Variants in ZBBX observed in about 807,000 individuals in gnomAD.
ZBBX encodes the protein zinc finger B-box domain-containing protein 1.
ZBBX carries 101 observed loss-of-function variants against 108.5 expected under a neutral mutation model. The ratio of observed to expected loss-of-function variants is 0.93; its 90% CI spans 0.79 to 1.10. The LOEUF is 1.10. Ranked by LOEUF, ZBBX falls within the 50% of genes least tolerant of loss-of-function variation. The pLI is 0.00. For missense variants in ZBBX, 1,009 were observed against 941.4 expected (o/e 1.07, Z -0.94); for synonymous variants, 356 against 323.4 (o/e 1.10, Z -1.08).
intron 9 of ZBBX, among the ~76,000 whole-genome samples, chr3:167,345,745 C>T (rs1218522155): frequency 6.6e-6 from 1 of 151,622 alleles, no homozygotes; most frequent in Non-Finnish European, 1.5e-5. Flanking sequence ...AAGAAAGAGC[C>T]CATATAACCA....
rs1748585520 is a variant in ZBBX at position 167,406,330 on chromosome 3, T to C, written c.-446+1396A>G. On this transcript the variant is annotated intron_variant, in intron 1 of 21. Transcript: ENST00000455345. ...GTAAGGTTTGGCACAGCGTTCTTAG[T>C]AATTTATATAATTGGAGACACTCCC... Among the ~76,000 whole-genome samples the C allele has an allele frequency of 2.0e-5, 3 of 152,240 alleles. No homozygotes were observed. In the South Asian group the frequency reaches 6.2e-4, roughly 32 times the overall value.
the ZBBX span, among the ~76,000 whole-genome samples, chr3:167,195,748 G>A: frequency 5.3e-5 from 8 of 152,210 alleles, no homozygotes; most frequent in East Asian, 1.4e-3. Flanking sequence ...CGTTTATAAC[G>A]GCCTAAAGAA....
At chr3:167,339,869 T>C (rs984135826) in intron 9 of ZBBX, among the ~76,000 whole-genome samples, 1 of 152,050 alleles carries the variant, frequency 6.6e-6, no homozygotes, top group Non-Finnish European at 1.5e-5. Flanking sequence ...ATTCCCTGTG[T>C]CCATGTGTTC....
chr3:167,339,223 G>GA lies in ZBBX; in HGVS notation c.529-5239dup, dbSNP rs201402834. On this transcript the variant is annotated intron_variant, in intron 9 of 21. Transcript: ENST00000675490. Reference sequence around the variant, plus strand: ...TCTTAACAACATATGAAAACCATAAGAAAAAAACCTGAAAAATATATAAAA... The same window carrying GA: ...TCTTAACAACATATGAAAACCATAAGAAAAAAAACCTGAAAAATATATAAAA... 6.3e-3 allele frequency among the ~76,000 whole-genome samples: 958 copies of GA among 151,854 alleles called. 11 individuals carry two copies. Among genetic ancestry groups the GA allele is most frequent in the African/African-American group, 0.022 (901 of 41,452 alleles).
intron 10 of ZBBX, among the ~76,000 whole-genome samples, chr3:167,331,943 C>T (rs560545259): frequency 2.5e-4 from 38 of 152,240 alleles, no homozygotes; most frequent in African/African-American, 8.9e-4. Context: ...CAAGGATGTG[C>T]CATTGGCTTT....
intron 9 of ZBBX, among the ~76,000 whole-genome samples, chr3:167,347,628 CT>C (rs1353105091): frequency 6.6e-6 from 1 of 151,966 alleles, no homozygotes; most frequent in African/African-American, 2.4e-5. Context: ...CTTCAAAGTA[CT>C]TTATTCCTTA....
intron 1 of ZBBX, among the ~76,000 whole-genome samples, chr3:167,395,483 TGA>T: frequency 6.6e-6 from 1 of 152,012 alleles, no homozygotes; most frequent in Admixed American, 6.6e-5. Flanking sequence ...TTCTGAGATC[TGA>T]AGTGGAATCC....
chr3:167,339,098 G>C (rs1330426141), intron 9 of ZBBX, among the ~76,000 whole-genome samples: 1 of 152,062 alleles, frequency 6.6e-6, no homozygotes, highest in Non-Finnish European at 1.5e-5. Context: ...AATGATGTCT[G>C]TATTAACTCC....
At chr3:167,371,935 TGG>T (rs1324092019) in intron 4 of ZBBX, among the ~76,000 whole-genome samples, 1 of 152,176 alleles carries the variant, frequency 6.6e-6, no homozygotes, top group East Asian at 1.9e-4. Context: ...TAGTCTGGGC[TGG>T]GTGCACTGGC....
intron 20 of ZBBX, among the ~76,000 whole-genome samples, chr3:167,267,067 G>A (rs748978713): frequency 5.3e-5 from 8 of 152,164 alleles, no homozygotes; most frequent in African/African-American, 1.2e-4. Context: ...TCACAGGGGC[G>A]ACAAAGTATT....
intron 1 of ZBBX, among the ~76,000 whole-genome samples, chr3:167,393,945 T>C (rs557381048): frequency 9.9e-5 from 15 of 152,034 alleles, no homozygotes; most frequent in Admixed American, 8.5e-4. Flanking sequence ...TCACTAAGTT[T>C]AAATAGATGT....
At chr3:167,275,917 C>T (rs945455990) in intron 20 of ZBBX, among the ~76,000 whole-genome samples, 1 of 152,194 alleles carries the variant, frequency 6.6e-6, no homozygotes. Context: ...TCTCCCAGCA[C>T]ACAGCTGGAG....
chr3:167,276,552 T>A (rs918815135), intron 20 of ZBBX, among the ~76,000 whole-genome samples: 3 of 152,018 alleles, frequency 2.0e-5, no homozygotes, highest in East Asian at 1.9e-4. Flanking sequence ...GAAAAAAGAA[T>A]AAAAAGAAAC....
intron 2 of ZBBX, among the ~76,000 whole-genome samples, chr3:167,375,869 C>T (rs919449395): frequency 2.0e-5 from 3 of 152,150 alleles, no homozygotes; most frequent in Admixed American, 1.3e-4. Context: ...AATAAGGTAG[C>T]GGTTGCCTTA....
At chr3:167,363,767 T>C (rs1219744679) in intron 6 of ZBBX, among the ~76,000 whole-genome samples, 1 of 152,124 alleles carries the variant, frequency 6.6e-6, no homozygotes, top group Non-Finnish European at 1.5e-5. Flanking sequence ...GCTGCAACAA[T>C]AGTCTTTACT....
intron 18 of ZBBX, among the ~76,000 whole-genome samples, chr3:167,295,072 G>A (rs1189043473): frequency 6.6e-6 from 1 of 152,192 alleles, no homozygotes; most frequent in Non-Finnish European, 1.5e-5. Flanking sequence ...GGAGAAAGAG[G>A]AATCCTTTTA....
At chr3:167,375,524 C>T (rs13080982) in intron 2 of ZBBX, among the ~76,000 whole-genome samples, 11,853 of 151,568 alleles carry the variant, frequency 0.078, 503 homozygotes, top group Admixed American at 0.11. Context: ...CCCGGGAGGT[C>T]GAGATTGCAG....
the ZBBX span, among the ~76,000 whole-genome samples, chr3:167,212,370 C>A: frequency 1.3e-5 from 2 of 152,194 alleles, no homozygotes; most frequent in Non-Finnish European, 2.9e-5. Context: ...CAGCACCTCC[C>A]TGGACAAAGA....
At chr3:167,396,052 G>A (rs1359082039) in intron 1 of ZBBX, among the ~76,000 whole-genome samples, 2 of 151,906 alleles carry the variant, frequency 1.3e-5, no homozygotes, top group South Asian at 2.1e-4. Flanking sequence ...GCATGATTGC[G>A]GAATTCATTG....
Sources: gnomAD v4.1 joint callset for allele counts (sites outside exome capture counted in the v4.1 genomes callset) on GRCh38, gnomAD v4.1.1 for gene constraint, MANE v1.5 for transcripts, NCBI Gene and HGNC (gene_info 2026-07-23, HGNC 2026-07-21) for gene names.